The following RBFOX1 variants were observed in gnomAD, a reference collection of about 807,000 sequenced individuals.
The protein encoded by RBFOX1 is RNA binding fox-1 homolog 1.
In RBFOX1, 8 loss-of-function variants were observed where a neutral mutation model predicts 57.7. That is an observed-to-expected ratio of 0.14 (90% confidence interval 0.08 to 0.25). RBFOX1 has a LOEUF of 0.25. Ranked by LOEUF, RBFOX1 falls within the 10% of genes least tolerant of loss-of-function variation. RBFOX1 has a pLI of 1.00. For synonymous variants in RBFOX1, 326 were observed against 222.4 expected (o/e 1.47, Z -4.15); for missense variants, 611 against 548.5 (o/e 1.11, Z -1.14).
chr16:6,007,073 G>T (rs1596390141), intron 4 of RBFOX1, among the ~76,000 whole-genome samples: 1 of 151,864 alleles, frequency 6.6e-6, no homozygotes, highest in Non-Finnish European at 1.5e-5. Context: ...TTTCTCACTG[G>T]AACCAAGCTT....
At chr16:6,466,626 A>G (rs946752150) in intron 2 of RBFOX1, among the ~76,000 whole-genome samples, 1 of 152,206 alleles carries the variant, frequency 6.6e-6, no homozygotes, top group Non-Finnish European at 1.5e-5. Context: ...TATCACAGGA[A>G]TGGCAAATAG....
chr16:6,827,152 G>A (rs532514848), intron 3 of RBFOX1, among the ~76,000 whole-genome samples: 6 of 151,738 alleles, frequency 4.0e-5, no homozygotes, highest in South Asian at 4.2e-4. Context: ...ATCCTAAAGA[G>A]GACACTATTT....
chr16:6,241,214 G>A (rs569359144), intron 1 of RBFOX1, among the ~76,000 whole-genome samples: 1 of 152,282 alleles, frequency 6.6e-6, no homozygotes, highest in East Asian at 1.9e-4. Context: ...TTCAGACGGG[G>A]CACTATTGTA....
chr16:6,962,276 A>G (rs936076070), intron 3 of RBFOX1, among the ~76,000 whole-genome samples: 31 of 152,084 alleles, frequency 2.0e-4, no homozygotes, highest in Non-Finnish European at 4.4e-5. Flanking sequence ...CAAAAAGACT[A>G]GTCATTGGCC....
chr16:7,159,021 C>G (rs915707443), intron 4 of RBFOX1, among the ~76,000 whole-genome samples: 1 of 151,884 alleles, frequency 6.6e-6, no homozygotes, highest in African/African-American at 2.4e-5. Flanking sequence ...TTCTCTCACC[C>G]CTACCCCCGT....
At chr16:5,346,340 T>C (rs2065138704) in intron 1 of RBFOX1, among the ~76,000 whole-genome samples, 1 of 152,152 alleles carries the variant, frequency 6.6e-6, no homozygotes, top group South Asian at 2.1e-4. Flanking sequence ...AAATGTCACA[T>C]TTAAATCATC....
intron 4 of RBFOX1, among the ~76,000 whole-genome samples, chr16:7,193,274 G>A (rs12325517): frequency 0.19 from 28,905 of 152,108 alleles, 2,987 homozygotes; most frequent in East Asian, 0.38. Flanking sequence ...TAAGATGGAA[G>A]GAAGCCATGA....
intron 9 of RBFOX1, among the ~76,000 whole-genome samples, chr16:7,606,484 C>T (rs888752397): frequency 2.0e-5 from 3 of 152,142 alleles, no homozygotes; most frequent in Non-Finnish European, 4.4e-5. Flanking sequence ...AACCCTAAAA[C>T]GTGATCAGTC....
intron 5 of RBFOX1, among the ~76,000 whole-genome samples, chr16:7,573,138 C>G (rs1160034930): frequency 1.3e-5 from 2 of 152,064 alleles, no homozygotes; most frequent in South Asian, 2.1e-4. Context: ...ATGGGTGACA[C>G]CTGGGCAGAG....
At chr16:6,969,021 C>A in intron 3 of RBFOX1, among the ~76,000 whole-genome samples, 1 of 151,982 alleles carries the variant, frequency 6.6e-6, no homozygotes, top group East Asian at 1.9e-4. Flanking sequence ...TTAGAATCTC[C>A]CACTTTTTTT....
chr16:5,402,365 G>A (rs1002826439), intron 1 of RBFOX1, among the ~76,000 whole-genome samples: 2 of 152,192 alleles, frequency 1.3e-5, no homozygotes, highest in African/African-American at 4.8e-5. Flanking sequence ...ATGCACATAG[G>A]CCAGCCTTGT....
At chr16:5,689,054 C>G (rs2050590696) in intron 3 of RBFOX1, among the ~76,000 whole-genome samples, 1 of 152,182 alleles carries the variant, frequency 6.6e-6, no homozygotes, top group South Asian at 2.1e-4. Flanking sequence ...TCTTGTGTCA[C>G]TTACCTAACT....
intron 2 of RBFOX1, among the ~76,000 whole-genome samples, chr16:6,403,278 C>G (rs2093148546): frequency 6.6e-6 from 1 of 152,216 alleles, no homozygotes; most frequent in South Asian, 2.1e-4. Flanking sequence ...TTTACTCCAG[C>G]TGTCTAAACC....
intron 1 of RBFOX1, among the ~76,000 whole-genome samples, chr16:6,314,855 T>G (rs1010073190): frequency 2.0e-5 from 3 of 152,352 alleles, no homozygotes; most frequent in Non-Finnish European, 4.4e-5. Flanking sequence ...GAGAACCATG[T>G]ATTTTGACTA....
At chr16:5,481,037 C>T (rs1027192687) in intron 2 of RBFOX1, among the ~76,000 whole-genome samples, 8 of 152,202 alleles carry the variant, frequency 5.3e-5, no homozygotes, top group African/African-American at 1.9e-4. Context: ...AATGTGAATG[C>T]CTGTTATCCC....
chr16:5,513,814 A>T (rs1597363828), intron 2 of RBFOX1, among the ~76,000 whole-genome samples: 1 of 152,180 alleles, frequency 6.6e-6, no homozygotes, highest in South Asian at 2.1e-4. Flanking sequence ...ATAAGGAATA[A>T]ATGTGATCAT....
At position 6,926,508 on chromosome 16, in the gene RBFOX1, G is replaced by A. The variant is rs113814617; in HGVS notation, c.-15-125549G>A. Among the ~76,000 whole-genome samples the A allele has an allele frequency of 1.1e-3, 169 of 152,232 alleles. 1 individual carries two copies. Among genetic ancestry groups the A allele is most frequent in the African/African-American group, 3.9e-3 (162 of 41,540 alleles). ...TTAAGTTAATGACATTTGTAGCGGT[G>A]TTATAGGCTGCAGGCCAGGGAGAGG... On this transcript the variant is annotated intron_variant, in intron 3 of 15. Transcript: ENST00000550418.
intron 4 of RBFOX1, among the ~76,000 whole-genome samples, chr16:7,137,686 G>T (rs1324333006): frequency 6.6e-6 from 1 of 152,168 alleles, no homozygotes; most frequent in East Asian, 1.9e-4. Context: ...TCCTTGGTTA[G>T]AAGCCTGATA....
chr16:7,188,239 A>G (rs770539092), intron 4 of RBFOX1, among the ~76,000 whole-genome samples: 1 of 152,206 alleles, frequency 6.6e-6, no homozygotes, highest in Admixed American at 6.5e-5. Context: ...AGGCTTCTTG[A>G]AATAGTCCAT....
Sources: allele counts gnomAD v4.1 joint callset (sites outside exome capture counted in the v4.1 genomes callset), GRCh38; gene constraint gnomAD v4.1.1; transcripts MANE v1.5; gene names NCBI Gene and HGNC (gene_info 2026-07-23, HGNC 2026-07-21).